The following MAF variants were observed in gnomAD, a reference collection of about 807,000 sequenced individuals.
MAF encodes transcription factor Maf.
In MAF, 10 loss-of-function variants were observed where a neutral mutation model predicts 22.0. The observed-to-expected ratio is 0.45, with a 90% CI of 0.28 to 0.77. The LOEUF is 0.77. MAF is among the 30% of genes least tolerant of loss of function. The pLI is 0.12. For missense variants in MAF, 544 were observed against 548.4 expected, an observed-to-expected ratio of 0.99 and a Z score of 0.08; for synonymous variants, 337 against 255.8, an observed-to-expected ratio of 1.32 and a Z score of -3.03.
At chr16:79,207,937 C>T in the MAF span, among the ~76,000 whole-genome samples, 6 of 152,142 alleles carry the variant, frequency 3.9e-5, no homozygotes, top group Admixed American at 2.6e-4. Context: ...AGCTACTTAA[C>T]ATTTTCATCC....
At chr16:79,207,714 C>T in the MAF span, among the ~76,000 whole-genome samples, 6 of 152,116 alleles carry the variant, frequency 3.9e-5, no homozygotes, top group African/African-American at 1.2e-4. Context: ...AAGCAAAACA[C>T]GGTGTAACAT....
the MAF span, among the ~76,000 whole-genome samples, chr16:79,376,728 C>G: frequency 2.0e-5 from 3 of 152,098 alleles, no homozygotes; most frequent in Admixed American, 1.3e-4. Flanking sequence ...CTTCCTGTGT[C>G]CATGTGTTAT....
chr16:79,273,792 C>T, the MAF span, among the ~76,000 whole-genome samples: 325 of 152,142 alleles, frequency 2.1e-3, 2 homozygotes, highest in African/African-American at 7.4e-3. Context: ...AATTTAATTC[C>T]ATCTGTATCT....
chr16:79,349,599 G>A, the MAF span, among the ~76,000 whole-genome samples: 24,133 of 152,050 alleles, frequency 0.16, 4,446 homozygotes, highest in African/African-American at 0.45. Context: ...CTCTCCATAG[G>A]CCTCCTCACC....
At chr16:79,223,150 G>A in the MAF span, among the ~76,000 whole-genome samples, 21 of 151,106 alleles carry the variant, frequency 1.4e-4, no homozygotes, top group African/African-American at 3.4e-4. Context: ...GCAAAAGAAC[G>A]GACAACATAA....
At chr16:79,224,406 C>T in the MAF span, among the ~76,000 whole-genome samples, 1 of 152,162 alleles carries the variant, frequency 6.6e-6, no homozygotes, top group Non-Finnish European at 1.5e-5. Context: ...CAATATCATA[C>T]TGAATGGGCA....
chr16:79,345,755 A>AAAAAT, the MAF span, among the ~76,000 whole-genome samples: 1 of 138,680 alleles, frequency 7.2e-6, no homozygotes, highest in African/African-American at 2.7e-5. Context: ...AAAAAAAAAA[A>AAAAAT]TCTTTAACTT....
At chr16:79,520,458 C>T in the MAF span, among the ~76,000 whole-genome samples, 1 of 152,162 alleles carries the variant, frequency 6.6e-6, no homozygotes, top group Non-Finnish European at 1.5e-5. Context: ...ACCCTAGCCT[C>T]TCTTCTCTAT....
chr16:79,364,687 G>C, the MAF span, among the ~76,000 whole-genome samples: 1 of 152,174 alleles, frequency 6.6e-6, no homozygotes, highest in Non-Finnish European at 1.5e-5. Context: ...GTGCCATTCT[G>C]AGAGCATTCA....
the MAF span, chr16:79,212,002 G>C: frequency 6.5e-7 from 1 of 1,536,038 alleles, no homozygotes; most frequent in Non-Finnish European, 8.7e-7. Flanking sequence ...TCTGGGGCTG[G>C]GCTAGGCATA....
At chr16:79,217,445 C>T in the MAF span, among the ~76,000 whole-genome samples, 2 of 152,192 alleles carry the variant, frequency 1.3e-5, no homozygotes, top group Non-Finnish European at 2.9e-5. Context: ...CTCCTGATAC[C>T]GAAATGTCCA....
At chr16:79,503,086 T>C in the MAF span, among the ~76,000 whole-genome samples, 3 of 152,080 alleles carry the variant, frequency 2.0e-5, no homozygotes, top group Non-Finnish European at 2.9e-5. Context: ...AAATTCAAGA[T>C]ATTAAGTTGC....
the MAF span, among the ~76,000 whole-genome samples, chr16:79,457,525 C>T: frequency 6.6e-6 from 1 of 151,880 alleles, no homozygotes; most frequent in Admixed American, 6.6e-5. Context: ...ATGTCAGCAG[C>T]AAATCCAATC....
chr16:79,246,066 G>A, the MAF span, among the ~76,000 whole-genome samples: 1 of 152,114 alleles, frequency 6.6e-6, no homozygotes, highest in Non-Finnish European at 1.5e-5. Context: ...AGGGGGTGAG[G>A]GGTTAGCGGA....
chr16:79,448,773 C>A, the MAF span, among the ~76,000 whole-genome samples: 11 of 151,842 alleles, frequency 7.2e-5, no homozygotes, highest in African/African-American at 2.7e-4. Context: ...AAAACACACA[C>A]AATGCTACTA....
chr16:79,271,072 C>CA, the MAF span, among the ~76,000 whole-genome samples: 1 of 101,874 alleles, frequency 9.8e-6, no homozygotes, highest in Admixed American at 1.1e-4. Context: ...GGCTTTCTGG[C>CA]ATTTTTTTTT....
At chr16:79,560,579 TC>T in the MAF span, among the ~76,000 whole-genome samples, 1 of 151,974 alleles carries the variant, frequency 6.6e-6, no homozygotes, top group Non-Finnish European at 1.5e-5. Context: ...GCACAGAAGG[TC>T]TTTTTTTTTT....
the MAF span, among the ~76,000 whole-genome samples, chr16:79,494,060 C>A: frequency 6.6e-6 from 1 of 152,116 alleles, no homozygotes; most frequent in Admixed American, 6.5e-5. Flanking sequence ...TTTCCAAAGC[C>A]TTCTATCATG....
the MAF span, among the ~76,000 whole-genome samples, chr16:79,453,551 A>T: frequency 6.6e-6 from 1 of 152,360 alleles, no homozygotes; most frequent in East Asian, 1.9e-4. Flanking sequence ...CATTTTATGT[A>T]ATAAAAAACA....
Sources: allele counts gnomAD v4.1 joint callset (sites outside exome capture counted in the v4.1 genomes callset), GRCh38; gene constraint gnomAD v4.1.1; transcripts MANE v1.5; gene names NCBI Gene and HGNC (gene_info 2026-07-23, HGNC 2026-07-21).